Variants in SPCS2 observed in about 807,000 individuals in gnomAD.
The protein encoded by SPCS2 is signal peptidase complex subunit 2, also known as SPase 25 kDa subunit.
SPCS2 carries 3 observed loss-of-function variants against 22.3 expected under a neutral mutation model. The ratio of observed to expected loss-of-function variants is 0.13; its 90% CI spans 0.06 to 0.35. The LOEUF is 0.35. Ranked by LOEUF, SPCS2 falls within the 10% of genes least tolerant of loss-of-function variation. The pLI is 1.00. For missense variants in SPCS2, 169 were observed against 280.9 expected (o/e 0.60, Z 2.85); for synonymous variants, 67 against 97.2 (o/e 0.69, Z 1.83).
chr11:74,972,722 T>C (rs538913579), intron 4 of SPCS2, among the ~76,000 whole-genome samples: 19 of 146,556 alleles, frequency 1.3e-4, no homozygotes, highest in South Asian at 1.1e-3. Flanking sequence ...TCCCTTCTCT[T>C]TTTTTTTTTT....
intron 1 of SPCS2, among the ~76,000 whole-genome samples, chr11:74,960,536 A>G (rs1022576538): frequency 1.3e-5 from 2 of 149,242 alleles, no homozygotes; most frequent in African/African-American, 4.9e-5. Context: ...AAATGTTATT[A>G]CTAGAGCTTG....
chr11:74,952,218 G>T (rs926459821), intron 1 of SPCS2, among the ~76,000 whole-genome samples: 1 of 152,074 alleles, frequency 6.6e-6, no homozygotes, highest in East Asian at 1.9e-4. Context: ...TTCTAGTGCC[G>T]CATGTTATTA....
At chr11:74,959,404 G>C (rs1948498874) in intron 1 of SPCS2, among the ~76,000 whole-genome samples, 1 of 152,100 alleles carries the variant, frequency 6.6e-6, no homozygotes, top group Non-Finnish European at 1.5e-5. Flanking sequence ...TTGTCCTTTT[G>C]TTTTTTGAGA....
chr11:74,976,793 G>A (rs772378112), intron 4 of SPCS2, 64 bp from the exon 5 acceptor site: 126 of 1,596,344 alleles, frequency 7.9e-5, no homozygotes, highest in African/African-American at 2.4e-4. Flanking sequence ...ACTTGGTGCC[G>A]TATTGTTACT....
At chr11:74,972,535 C>T (rs1591742187) in intron 4 of SPCS2, among the ~76,000 whole-genome samples, 1 of 152,192 alleles carries the variant, frequency 6.6e-6, no homozygotes, top group African/African-American at 2.4e-5. Flanking sequence ...CTTTCTCACT[C>T]ACCCCTTGGT....
At chr11:74,971,394 ACT>A (rs1230873061) in intron 4 of SPCS2, among the ~76,000 whole-genome samples, 1 of 152,096 alleles carries the variant, frequency 6.6e-6, no homozygotes, top group African/African-American at 2.4e-5. Context: ...TGGTATGCTA[ACT>A]CTCTTTGTTT....
At position 74,969,673 on chromosome 11, in the gene SPCS2, T is replaced by C; in HGVS notation, c.468T>C (p.Ile156=). ...CTACAGGAATGGATCCTGATGATAT[T>C]TGGCAGCTGTCCTCCAGTCTTAAAA... ...KDPTGMDPDD[I]WQLSSSLKRF... is the part of the protein sequence containing the mutation. The change falls in exon 4 of 5, where the codon ATT becomes ATC. Residue 156 remains isoleucine, a synonymous_variant. Transcript: ENST00000263672. 1 of 1,613,762 alleles carries C rather than the reference T, an allele frequency of 6.2e-7. No individual in the cohort carries two copies. The highest frequency in any genetic ancestry group is 8.5e-7 in the Non-Finnish European group (1 of 1,179,694).
At chr11:74,949,747 C>A in intron 1 of SPCS2, 1 of 435,690 alleles carries the variant, frequency 2.3e-6, no homozygotes. Flanking sequence ...CACGGAAAAC[C>A]GAAGCCCAAA....
chr11:74,969,545 C>G lies in SPCS2; in HGVS notation c.360-20C>G. ...CTTCTCTTTTATGTTTGGGTATTTTCCCCTTAACTTTATTTGAACCTATTT... is the reference window on the plus strand; with the variant it reads ...CTTCTCTTTTATGTTTGGGTATTTTGCCCTTAACTTTATTTGAACCTATTT... On this transcript the variant is annotated intron_variant, in intron 3 of 4. Coordinates refer to ENST00000263672, the MANE Select transcript of SPCS2 (RefSeq NM_014752.3). 6.2e-7 allele frequency: 1 copy of G among 1,609,624 alleles called. No individual in the cohort carries two copies. Among genetic ancestry groups the G allele is most frequent in the Non-Finnish European group, 8.5e-7 (1 of 1,177,240 alleles).
rs1159988550 is a variant in SPCS2 at position 74,978,141 on chromosome 11, C to T, written c.*1098C>T. ...AACAGCCGCTTTTCCAGTATTTTCC[C>T]AGTATGGTCAGAGAAGACCTGGGTG... On this transcript the variant is annotated 3_prime_UTR_variant, in exon 5 of 5. Transcript: ENST00000263672. 3 of 152,184 alleles carry T rather than the reference C, an allele frequency of 2.0e-5. No homozygotes were observed. The highest frequency in any genetic ancestry group is 4.4e-5 in the Non-Finnish European group (3 of 68,032). The allele number at this position is 152,184 out of a possible 1,614,324, so 9.4% of individuals were successfully genotyped here.
intron 4 of SPCS2, among the ~76,000 whole-genome samples, chr11:74,970,531 A>G (rs1437472211): frequency 1.3e-5 from 2 of 152,238 alleles, no homozygotes; most frequent in African/African-American, 2.4e-5. Context: ...TTAAAAACCT[A>G]TTATACTTAA....
rs1208771007 is a variant in SPCS2 at position 74,978,949 on chromosome 11, TTG to T, written c.*1910_*1911del. The T allele has an allele frequency of 5.3e-5, 8 of 152,324 alleles. No individual in the cohort carries two copies. The highest frequency in any genetic ancestry group is 8.8e-5 in the Non-Finnish European group (6 of 68,032). 9.4% of individuals were successfully genotyped at this position (152,324 alleles called of 1,614,324 possible). A position where few individuals can be genotyped will look rare whatever the true frequency, so the allele number is the denominator to read the frequency against. On this transcript the variant is annotated 3_prime_UTR_variant, in exon 5 of 5. Coordinates refer to ENST00000263672, the MANE Select transcript of SPCS2 (RefSeq NM_014752.3). Reference sequence around the variant, plus strand: ...ATTATGTTGATATATGTCCTGTAATTTGTGTTTTAAACTTAATATATCTTAGG... The same window carrying T: ...ATTATGTTGATATATGTCCTGTAATTTGTTTTAAACTTAATATATCTTAGG...
At chr11:74,970,311 T>C (rs1009082264) in intron 4 of SPCS2, among the ~76,000 whole-genome samples, 3 of 150,750 alleles carry the variant, frequency 2.0e-5, no homozygotes, top group Non-Finnish European at 2.9e-5. Flanking sequence ...ATACCAATTA[T>C]AATAATAGCA....
At chr11:74,963,856 T>G (rs879450325) in intron 1 of SPCS2, among the ~76,000 whole-genome samples, 8 of 152,264 alleles carry the variant, frequency 5.3e-5, no homozygotes, top group African/African-American at 9.6e-5. Flanking sequence ...ATACAATATT[T>G]GTTCACTTGA....
At chr11:74,972,476 G>A (rs1408569483) in intron 4 of SPCS2, among the ~76,000 whole-genome samples, 3 of 152,190 alleles carry the variant, frequency 2.0e-5, no homozygotes, top group Admixed American at 2.0e-4. Flanking sequence ...TCCAAAGTGT[G>A]AGCTCCTTTA....
At chr11:74,949,896 T>C (rs1424935074) in intron 1 of SPCS2, among the ~76,000 whole-genome samples, 1 of 152,200 alleles carries the variant, frequency 6.6e-6, no homozygotes, top group South Asian at 2.1e-4. Flanking sequence ...TGAAAATATT[T>C]GAGTATTGAC....
At position 74,949,309 on chromosome 11, in the gene SPCS2, C is replaced by G. The variant is rs1275663136; in HGVS notation, c.24C>G (p.Gly8=). 2.6e-6 allele frequency: 4 copies of G among 1,550,200 alleles called. No homozygotes were observed. The highest frequency in any genetic ancestry group is 2.6e-6 in the Non-Finnish European group (3 of 1,146,554). ...AGATGGCGGCGGCAGCTGTACAGGG[C>G]GGGAGAAGCGGTGGTAGCGGAGGCT... The part of the protein sequence containing the change: MAAAAVQ[G]GRSGGSGGCS... The change falls in exon 1 of 5, where the codon GGC becomes GGG. Residue 8 remains glycine, a synonymous_variant. Transcript: ENST00000263672.
intron 1 of SPCS2, among the ~76,000 whole-genome samples, chr11:74,951,810 CAAA>C (rs61038317): frequency 3.7e-5 from 3 of 81,358 alleles, no homozygotes; most frequent in Admixed American, 1.6e-4. Flanking sequence ...AACTCTGTCT[CAAA>C]AAAAAAAAAA....
intron 1 of SPCS2, among the ~76,000 whole-genome samples, chr11:74,964,431 A>G (rs775806278): frequency 5.3e-5 from 8 of 152,210 alleles, no homozygotes; most frequent in Middle Eastern, 6.3e-3. Context: ...TGTAATTTAA[A>G]ATGTAGTGTT....
Sources: gnomAD v4.1 joint callset for allele counts (sites outside exome capture counted in the v4.1 genomes callset) on GRCh38, gnomAD v4.1.1 for gene constraint, MANE v1.5 for transcripts, NCBI Gene and HGNC (gene_info 2026-07-23, HGNC 2026-07-21) for gene names.